SH3BP1: variants seen among roughly 807,000 people sequenced by gnomAD.
SH3BP1 encodes SH3 domain-binding protein 1.
A neutral mutation model predicts 69.8 loss-of-function variants in SH3BP1; 46 were observed. The observed-to-expected ratio is 0.66, with a 90% CI of 0.52 to 0.84. The LOEUF is 0.84. Ranked by LOEUF, SH3BP1 falls within the 40% of genes least tolerant of loss-of-function variation. The pLI is 0.00. For synonymous variants in SH3BP1, 403 were observed against 378.0 expected (o/e 1.07, Z -0.77); for missense variants, 868 against 930.9 (o/e 0.93, Z 0.88).
chr22:37,650,156 C>G lies in SH3BP1; in HGVS notation c.1321C>G (p.Gln441Glu), dbSNP rs1414437785. The G allele has an allele frequency of 1.2e-6, 2 of 1,614,000 alleles. No homozygotes were observed. Among genetic ancestry groups the G allele is most frequent in the Non-Finnish European group, 1.7e-6 (2 of 1,180,040 alleles). Residue 441 changes from glutamine to glutamate, a missense_variant, in exon 15 of 18, where the codon CAG becomes GAG. This residue lies in a region of SH3BP1 where 474 missense variants were observed against 462.3 expected (regional missense o/e 1.03). Transcript: ENST00000649765. ...AGATGCATCTCTTTGTCCCAGGGAC[C>G]AGGCCCAGCTGGATGCAGCCTCCGT... ...LLWPPEKEGD[Q>E]AQLDAASVSS...
intron 6 of SH3BP1, 176 bp downstream of exon 6, chr22:37,643,350 G>C (rs1172218033): frequency 1.5e-6 from 1 of 674,378 alleles, no homozygotes; most frequent in Non-Finnish European, 2.5e-6. Context: ...CTGTGAGGGT[G>C]TGCCCGCGTG....
chr22:37,645,066 G>A, intron 9 of SH3BP1, 106 bp downstream of exon 9: 1 of 1,075,012 alleles, frequency 9.3e-7, no homozygotes, highest in Non-Finnish European at 1.4e-6. Context: ...CTGTGGATGG[G>A]TTCTGAGAGC....
chr22:37,652,989 TAGC>T (rs1448764077), intron 16 of SH3BP1, among the ~76,000 whole-genome samples: 2 of 150,516 alleles, frequency 1.3e-5, no homozygotes, highest in African/African-American at 4.9e-5. Context: ...TGCAAAAAAT[TAGC>T]AGGGCATGGT....
Position 37,645,450 on chromosome 22 carries a change from G to A in SH3BP1, c.864G>A (p.Glu288=), listed in dbSNP as rs755262363. 3.1e-6 allele frequency: 5 copies of A among 1,613,946 alleles called. No individual in the cohort carries two copies. Among genetic ancestry groups the A allele is most frequent in the Non-Finnish European group, 4.2e-6 (5 of 1,179,870 alleles). The change falls in exon 10 of 18, where the codon GAG becomes GAA. Residue 288 remains glutamate (E), a synonymous_variant. Transcript: ENST00000649765. ...CCCACCTGCAAGAGCTGGGCCGGGA[G>A]ATTGCCCTGCCCATCGAGGCCTGCG... ...LATHLQELGR[E]IALPIEACVM...
rs745635346 is a variant in SH3BP1 at position 37,650,491 on chromosome 22, G to A, written c.1415-51G>A. 10 of 1,564,872 alleles carry A rather than the reference G, an allele frequency of 6.4e-6. No homozygotes were observed. The Admixed American group carries it at 1.8e-4, about 28-fold the overall frequency. The stretch of plus-strand genomic sequence containing the variant: ...GGGAAACGGTCCCGGCCAGTGGAGT[G>A]AGGAGCCTGGCGCGGTCTCTGAGAG... On this transcript the variant is annotated intron_variant, in intron 15 of 17. Transcript: ENST00000649765.
At chr22:37,650,915 A>G in intron 16 of SH3BP1, 190 bp downstream of exon 16, 1 of 670,120 alleles carries the variant, frequency 1.5e-6, no homozygotes, top group Non-Finnish European at 2.4e-6. Flanking sequence ...TCAGCCACTG[A>G]TGTGTGCCCT....
At chr22:37,648,773 G>A (rs9622664) in intron 14 of SH3BP1, 3 of 202,050 alleles carry the variant, frequency 1.5e-5, no homozygotes, top group Non-Finnish European at 3.0e-5. Context: ...GCGCAATCTC[G>A]GCTCACTGCA....
At chr22:37,647,638 G>A in intron 13 of SH3BP1, 117 bp downstream of exon 13, 1 of 629,930 alleles carries the variant, frequency 1.6e-6, no homozygotes, top group South Asian at 3.3e-5. Flanking sequence ...AAATATTACT[G>A]AAAATGCAGC....
At chr22:37,653,935 T>C in intron 17 of SH3BP1, 62 bp downstream of exon 17, 1 of 1,171,552 alleles carries the variant, frequency 8.5e-7, no homozygotes, top group Non-Finnish European at 1.2e-6. Flanking sequence ...GGACAGGCAG[T>C]CCCAGGTCCT....
At chr22:37,646,253 G>A (rs1324188811) in intron 10 of SH3BP1, among the ~76,000 whole-genome samples, 1 of 147,682 alleles carries the variant, frequency 6.8e-6, no homozygotes, top group African/African-American at 2.5e-5. Context: ...ATGAGCCACT[G>A]CGCCCGACCC....
intron 6 of SH3BP1, 172 bp downstream of exon 6, chr22:37,643,346 G>A: frequency 1.5e-6 from 1 of 685,114 alleles, no homozygotes; most frequent in Non-Finnish European, 2.5e-6. Flanking sequence ...GTATCTGTGA[G>A]GGTGTGCCCG....
intron 1 of SH3BP1, 145 bp downstream of exon 1, chr22:37,639,991 CCT>C (rs761982099): frequency 2.4e-4 from 140 of 572,776 alleles, no homozygotes; most frequent in Admixed American, 6.5e-4. Context: ...CTCTCTTCCT[CCT>C]CTCTGAACGC....
Position 37,655,305 on chromosome 22 carries a change from C to CG in SH3BP1, c.1728dup (p.Pro577AlafsTer83). 1 of 1,569,766 alleles carries CG rather than the reference C, an allele frequency of 6.4e-7. No homozygotes were observed. Reference sequence around the variant, plus strand: ...CCGGCGCCAGCCCGGCCCACCATGCCGCCCCCCCAGGTCTCCGGCTCCCGC... The same window carrying CG: ...CCGGCGCCAGCCCGGCCCACCATGCCGGCCCCCCCAGGTCTCCGGCTCCCGC... On this transcript the variant is annotated frameshift_variant, in exon 18 of 18. Transcript: ENST00000649765. LOFTEE classifies it low-confidence loss of function (END_TRUNC).
At chr22:37,648,999 C>T (rs991392621) in intron 14 of SH3BP1, among the ~76,000 whole-genome samples, 3 of 151,958 alleles carry the variant, frequency 2.0e-5, no homozygotes, top group Admixed American at 6.6e-5. Flanking sequence ...CATCGCGCCC[C>T]AGGTGTGAGC....
Position 37,655,309 on chromosome 22 carries a change from C to A in SH3BP1, c.1731C>A (p.Pro577=). 3 of 1,566,102 alleles carry A rather than the reference C, an allele frequency of 1.9e-6. No homozygotes were observed. The highest frequency in any genetic ancestry group is 2.6e-6 in the Non-Finnish European group (3 of 1,159,298). Residue 577 remains proline (P), a synonymous_variant, in exon 18 of 18, where the codon CCC becomes CCA. Transcript: ENST00000649765. Reference sequence around the variant, plus strand: ...CGCCAGCCCGGCCCACCATGCCGCCCCCCCAGGTCTCCGGCTCCCGCTCCT... The same window carrying A: ...CGCCAGCCCGGCCCACCATGCCGCCACCCCAGGTCTCCGGCTCCCGCTCCT... ...RPAPARPTMP[P]PQVSGSRSSP...
At chr22:37,647,055 T>A (rs78338419) in intron 11 of SH3BP1, 126 bp downstream of exon 11, 54,713 of 741,596 alleles carry the variant, frequency 0.074, 2,363 homozygotes, top group South Asian at 0.12. Context: ...CTCGGGTTCT[T>A]AATGTGGGGT....
At chr22:37,646,584 A>AGATT (rs1443077309) in intron 10 of SH3BP1, among the ~76,000 whole-genome samples, 1 of 151,734 alleles carries the variant, frequency 6.6e-6, no homozygotes, top group African/African-American at 2.4e-5. Context: ...CTGGGCTTCC[A>AGATT]TTTCCCCATG....
chr22:37,645,283 TGAGGA>T, intron 9 of SH3BP1, 77 bp from the exon 10 acceptor site: 1 of 1,513,428 alleles, frequency 6.6e-7, no homozygotes, highest in Non-Finnish European at 9.0e-7. Context: ...GGTACCACCT[TGAGGA>T]CATGAAGGGG....
intron 16 of SH3BP1, among the ~76,000 whole-genome samples, chr22:37,651,775 C>G (rs926413324): frequency 2.0e-5 from 3 of 151,998 alleles, no homozygotes; most frequent in Non-Finnish European, 4.4e-5. Flanking sequence ...GCTCACATTT[C>G]AGGGCACAGG....
Sources: allele counts gnomAD v4.1 joint callset (sites outside exome capture counted in the v4.1 genomes callset), GRCh38; gene constraint gnomAD v4.1.1; regional missense constraint gnomAD v4.1.1; transcripts MANE v1.5; gene names NCBI Gene and HGNC (gene_info 2026-07-23, HGNC 2026-07-21).